Variants in ARHGEF10L observed in about 807,000 individuals in gnomAD.
ARHGEF10L encodes Rho guanine nucleotide exchange factor 10 like, also known as rho guanine nucleotide exchange factor 10-like protein.
In ARHGEF10L, 69 loss-of-function variants were observed where a neutral mutation model predicts 141.2. The observed-to-expected ratio is 0.49, with a 90% CI of 0.40 to 0.60. The LOEUF is 0.60. ARHGEF10L is among the 20% of genes least tolerant of loss of function. The pLI, the probability that ARHGEF10L is intolerant of heterozygous loss-of-function variation, is 0.00. For missense variants in ARHGEF10L, 1,482 were observed against 1,734.3 expected, an observed-to-expected ratio of 0.85 and a Z score of 2.58; for synonymous variants, 711 against 718.5, an observed-to-expected ratio of 0.99 and a Z score of 0.17.
Position 17,607,628 on chromosome 1 carries a change from A to G in ARHGEF10L, c.434-174A>G, listed in dbSNP as rs780568682. The stretch of plus-strand genomic sequence containing the variant: ...GCCCTCCTTGCCCTACGAGGGGGAA[A>G]ATGTATTATCATCTTCGTTTCATGG... On this transcript the variant is annotated intron_variant, in intron 6 of 28. Transcript: ENST00000361221. The surrounding 1 kb of genome is among the most constrained non-coding windows in gnomAD (Gnocchi z 4.5). 1.3e-5 allele frequency among the ~76,000 whole-genome samples: 2 copies of G among 152,148 alleles called. No individual in the cohort carries two copies. Among genetic ancestry groups the G allele is most frequent in the Non-Finnish European group, 2.9e-5 (2 of 68,016 alleles).
intron 12 of ARHGEF10L, 40 bp from the exon 13 acceptor site, chr1:17,624,347 A>G: frequency 6.5e-7 from 1 of 1,526,868 alleles, no homozygotes; most frequent in Non-Finnish European, 9.1e-7. Context: ...TGCTCCCTGC[A>G]TTGAGGCGGT....
At chr1:17,563,973 T>C (rs1211678836) in intron 1 of ARHGEF10L, among the ~76,000 whole-genome samples, 1 of 152,210 alleles carries the variant, frequency 6.6e-6, no homozygotes, top group Non-Finnish European at 1.5e-5. Context: ...CTCCTGCCAC[T>C]AACTCCTGTT....
intron 17 of ARHGEF10L, 27 bp from the exon 18 acceptor site, chr1:17,634,808 A>G: frequency 1.3e-6 from 2 of 1,594,278 alleles, no homozygotes; most frequent in Non-Finnish European, 1.7e-6. Flanking sequence ...CAGCCTCTCC[A>G]GGGCCTTGTC....
intron 26 of ARHGEF10L, among the ~76,000 whole-genome samples, chr1:17,685,644 C>T (rs985631073): frequency 1.3e-5 from 2 of 152,246 alleles, no homozygotes; most frequent in South Asian, 4.1e-4. Flanking sequence ...AAGAGTGGGT[C>T]TTGCAGTCAT....
chr1:17,671,722 C>T (rs537781671), intron 26 of ARHGEF10L, among the ~76,000 whole-genome samples: 4 of 152,310 alleles, frequency 2.6e-5, no homozygotes, highest in African/African-American at 9.6e-5. Context: ...CTGTCTGGAC[C>T]ATTTCACCTC....
intron 28 of ARHGEF10L, among the ~76,000 whole-genome samples, chr1:17,695,780 C>T (rs1028893736): frequency 1.4e-4 from 9 of 62,258 alleles, no homozygotes; most frequent in East Asian, 7.8e-4. Context: ...CCTGGAGCTC[C>T]GGGTCCCCCT....
At chr1:17,559,681 C>A (rs973042865) in intron 1 of ARHGEF10L, among the ~76,000 whole-genome samples, 1 of 152,208 alleles carries the variant, frequency 6.6e-6, no homozygotes, top group African/African-American at 2.4e-5. Flanking sequence ...TGGCCCTGGC[C>A]TTTTCCCTTA....
At chr1:17,680,970 G>A (rs1395573817) in intron 26 of ARHGEF10L, among the ~76,000 whole-genome samples, 1 of 151,992 alleles carries the variant, frequency 6.6e-6, no homozygotes, top group Non-Finnish European at 1.5e-5. Context: ...TTTTAGTAGA[G>A]ACATGTTGGC....
intron 4 of ARHGEF10L, among the ~76,000 whole-genome samples, chr1:17,599,331 C>CAA (rs57490972): frequency 2.0e-4 from 21 of 104,110 alleles, no homozygotes; most frequent in South Asian, 9.0e-4. Context: ...GTGAGACTGT[C>CAA]AAAAAAAAAA....
At chr1:17,633,348 T>A (rs2060813244) in intron 16 of ARHGEF10L, among the ~76,000 whole-genome samples, 1 of 152,184 alleles carries the variant, frequency 6.6e-6, no homozygotes, top group African/African-American at 2.4e-5. Flanking sequence ...CTTTATTTTA[T>A]TTTATTATTT....
intron 4 of ARHGEF10L, among the ~76,000 whole-genome samples, chr1:17,600,248 C>T (rs989112067): frequency 6.6e-6 from 1 of 152,218 alleles, no homozygotes; most frequent in Non-Finnish European, 1.5e-5. Flanking sequence ...GCAGCCTCCT[C>T]CCCTCCCTCT....
In ARHGEF10L at chr1:17,697,020, C is replaced by T. The variant is rs774476314; in HGVS notation, c.3480C>T (p.His1160=). 53 of 1,607,750 alleles carry T rather than the reference C, an allele frequency of 3.3e-5. No individual in the cohort carries two copies. The highest frequency in any genetic ancestry group is 4.1e-5 in the Non-Finnish European group (48 of 1,177,496). Residue 1160 remains histidine, a synonymous_variant, in exon 29 of 29, where the codon CAC becomes CAT. Transcript: ENST00000361221. The surrounding 1 kb of genome is among the most constrained non-coding windows in gnomAD (Gnocchi z 4.8). ...GQAHEPMPDS[H]VGRELTRKKG... ...CACACGAGCCCATGCCCGATAGCCA[C>T]GTGGGCCGAGAGCTGACCCGCAAGA...
At chr1:17,657,560 C>T (rs767672462) in intron 25 of ARHGEF10L, among the ~76,000 whole-genome samples, 17 of 152,104 alleles carry the variant, frequency 1.1e-4, no homozygotes, top group South Asian at 2.1e-4. Flanking sequence ...CTGTGATTGC[C>T]GCGTCATCAC....
At chr1:17,557,067 G>A (rs1325877641) in intron 1 of ARHGEF10L, among the ~76,000 whole-genome samples, 1 of 149,816 alleles carries the variant, frequency 6.7e-6, no homozygotes, top group Non-Finnish European at 1.5e-5. Flanking sequence ...ATGTGGCCAA[G>A]TGCAGTGGCT....
chr1:17,692,577 T>C (rs2065185700), intron 27 of ARHGEF10L, among the ~76,000 whole-genome samples: 1 of 152,126 alleles, frequency 6.6e-6, no homozygotes, highest in Non-Finnish European at 1.5e-5. Flanking sequence ...CAAACAGGTC[T>C]AAAACAGGTT....
At chr1:17,672,586 G>A (rs1296622838) in intron 26 of ARHGEF10L, among the ~76,000 whole-genome samples, 1 of 152,140 alleles carries the variant, frequency 6.6e-6, no homozygotes, top group African/African-American at 2.4e-5. Flanking sequence ...TTGTTAATGT[G>A]TGTGTCATTG....
At chr1:17,651,387 A>T (rs899055750) in intron 22 of ARHGEF10L, among the ~76,000 whole-genome samples, 5 of 152,116 alleles carry the variant, frequency 3.3e-5, no homozygotes, top group African/African-American at 9.7e-5. Context: ...TGGAGTAGGG[A>T]GTATCAGGGC....
Position 17,618,900 on chromosome 1 carries a change from C to T in ARHGEF10L, c.836-439C>T, listed in dbSNP as rs76252281. On this transcript the variant is annotated intron_variant, in intron 9 of 28. Transcript: ENST00000361221. The stretch of plus-strand genomic sequence containing the variant: ...AAAAGGAAAGTGCCAAACCACGCTG[C>T]CCTGTTCTTCTCGGGGCTTATTTTC... 9.4e-3 allele frequency among the ~76,000 whole-genome samples: 1,429 copies of T among 152,318 alleles called. 19 individuals carry two copies. The highest frequency in any genetic ancestry group is 0.031 in the African/African-American group (1,307 of 41,558).
At chr1:17,545,856 A>G (rs2100657161) in intron 1 of ARHGEF10L, among the ~76,000 whole-genome samples, 1 of 152,268 alleles carries the variant, frequency 6.6e-6, no homozygotes, top group South Asian at 2.1e-4. Context: ...GAGGGGAACA[A>G]TTCATGCCTC....
Sources: gnomAD v4.1 joint callset for allele counts (sites outside exome capture counted in the v4.1 genomes callset) on GRCh38, gnomAD v4.1.1 for gene constraint, Gnocchi (gnomAD v3.1) non-coding constraint, MANE v1.5 for transcripts, NCBI Gene and HGNC (gene_info 2026-07-23, HGNC 2026-07-21) for gene names.